KAZN: variants seen among roughly 807,000 people sequenced by gnomAD.
The protein encoded by KAZN is kazrin.
Under a neutral mutation model 87.4 loss-of-function variants are expected in KAZN, and 40 were observed. The observed-to-expected ratio is 0.46, with a 90% CI of 0.36 to 0.60. The LOEUF is 0.60. Among genes scored for constraint, KAZN ranks in the 20% least tolerant of loss-of-function variants. The probability of loss-of-function intolerance (pLI) is 0.00; values close to 1 mark genes in which losing one functional copy is unlikely to be tolerated. For missense variants in KAZN, 898 were observed against 1,073.9 expected (o/e 0.84, Z 2.29); for synonymous variants, 466 against 458.3 (o/e 1.02, Z -0.22).
intron 1 of KAZN, among the ~76,000 whole-genome samples, chr1:14,885,191 T>C (rs1187414691): frequency 6.6e-6 from 1 of 152,196 alleles, no homozygotes; most frequent in Non-Finnish European, 1.5e-5. Context: ...TAATCACCAC[T>C]TTCTTGCTTG....
At chr1:13,921,765 A>C (rs1640076662) in intron 1 of KAZN, among the ~76,000 whole-genome samples, 1 of 152,008 alleles carries the variant, frequency 6.6e-6, no homozygotes. Flanking sequence ...AGCTGGGACA[A>C]CAGGTGTGGT....
At chr1:14,356,238 TG>T (rs201175114) in intron 2 of KAZN, among the ~76,000 whole-genome samples, 5,863 of 152,284 alleles carry the variant, frequency 0.039, 304 homozygotes, top group East Asian at 0.18. Flanking sequence ...TTTTGAGAAG[TG>T]TCTGTTCATA....
At chr1:14,235,781 A>G (rs1648363461) in intron 2 of KAZN, among the ~76,000 whole-genome samples, 1 of 152,226 alleles carries the variant, frequency 6.6e-6, no homozygotes, top group South Asian at 2.1e-4. Flanking sequence ...ATCCATTTAA[A>G]TAATTGTTGA....
intron 2 of KAZN, among the ~76,000 whole-genome samples, chr1:14,331,711 G>T (rs1296555567): frequency 6.6e-6 from 1 of 152,176 alleles, no homozygotes; most frequent in African/African-American, 2.4e-5. Flanking sequence ...ACAAAAACTA[G>T]AACCTTCATC....
chr1:13,901,028 C>T (rs756630426), intron 1 of KAZN, among the ~76,000 whole-genome samples: 2 of 143,520 alleles, frequency 1.4e-5, no homozygotes, highest in Non-Finnish European at 3.0e-5. Flanking sequence ...ACTTGTTTTC[C>T]TTGGCTAATC....
chr1:14,144,258 C>T (rs1013373929), intron 1 of KAZN, among the ~76,000 whole-genome samples: 1 of 152,114 alleles, frequency 6.6e-6, no homozygotes, highest in Non-Finnish European at 1.5e-5. Context: ...TCTTTTTGCT[C>T]TGCGTTAGAT....
intron 1 of KAZN, among the ~76,000 whole-genome samples, chr1:14,720,947 G>T (rs1467323377): frequency 6.6e-6 from 1 of 152,132 alleles, no homozygotes; most frequent in African/African-American, 2.4e-5. Flanking sequence ...CAGCCTGTTT[G>T]CCATCAGGTG....
chr1:14,020,594 A>C (rs905376392), intron 1 of KAZN, among the ~76,000 whole-genome samples: 6 of 152,222 alleles, frequency 3.9e-5, no homozygotes, highest in African/African-American at 1.4e-4. Flanking sequence ...ATGGAATCTG[A>C]ATGTACTGTG....
rs144406537 is a variant in KAZN, at chr1:14,549,225, C to T, written c.250-49758C>T. 7.7e-3 allele frequency among the ~76,000 whole-genome samples: 1,177 copies of T among 152,288 alleles called. 16 individuals carry two copies. Among genetic ancestry groups the T allele is most frequent in the African/African-American group, 0.027 (1,107 of 41,558 alleles). On this transcript the variant is annotated intron_variant, in intron 2 of 16. Transcript: ENST00000636203. Reference sequence around the variant, plus strand: ...CTTTCTTGCACCTTGGGTCTGACAACACCAGCTGCCTAGCCATTATCGATG... The same window carrying T: ...CTTTCTTGCACCTTGGGTCTGACAATACCAGCTGCCTAGCCATTATCGATG...
At chr1:14,098,537 T>C (rs78225323) in intron 1 of KAZN, among the ~76,000 whole-genome samples, 7,236 of 152,126 alleles carry the variant, frequency 0.048, 527 homozygotes, top group African/African-American at 0.16. Context: ...GCAACCAGGG[T>C]GTTTGAGGAA....
chr1:14,904,996 C>T (rs911280708), intron 1 of KAZN, among the ~76,000 whole-genome samples: 3 of 152,126 alleles, frequency 2.0e-5, no homozygotes, highest in South Asian at 2.1e-4. Flanking sequence ...CTCCTGACCT[C>T]GTGATCCGCC....
intron 1 of KAZN, among the ~76,000 whole-genome samples, chr1:14,740,927 A>G (rs577899520): frequency 3.3e-5 from 5 of 152,272 alleles, no homozygotes. Flanking sequence ...CTTTCCCTCC[A>G]TGGTGCCTGT....
chr1:14,826,673 T>C (rs1646898305), intron 1 of KAZN, among the ~76,000 whole-genome samples: 1 of 152,092 alleles, frequency 6.6e-6, no homozygotes, highest in Admixed American at 6.6e-5. Context: ...TCCTCTCCAG[T>C]AGCGGCTGGA....
At chr1:14,787,662 C>A (rs1645548592) in intron 1 of KAZN, among the ~76,000 whole-genome samples, 1 of 152,184 alleles carries the variant, frequency 6.6e-6, no homozygotes, top group South Asian at 2.1e-4. Context: ...ACTCCAGGGG[C>A]ATCACTCACA....
rs76685348 is a variant in KAZN, at chr1:13,951,819, C to T, written c.91+58063C>T. On this transcript the variant is annotated intron_variant, in intron 1 of 16. Transcript: ENST00000636203. Reference sequence around the variant, plus strand: ...TGGATTCCCACCCCCTTACCACCCACTTTCTGCTTTTATAAAAATCTCTCA... The same window carrying T: ...TGGATTCCCACCCCCTTACCACCCATTTTCTGCTTTTATAAAAATCTCTCA... Among the ~76,000 whole-genome samples, 1,375 of 152,258 alleles carry T rather than the reference C, an allele frequency of 9.0e-3. 20 individuals are homozygous for T. Among genetic ancestry groups the T allele is most frequent in the African/African-American group, 0.031 (1,274 of 41,542 alleles).
At chr1:14,046,072 T>G (rs1167345431) in intron 1 of KAZN, among the ~76,000 whole-genome samples, 1 of 152,164 alleles carries the variant, frequency 6.6e-6, no homozygotes, top group Non-Finnish European at 1.5e-5. Flanking sequence ...ATGTAAATTC[T>G]CCAAAAAATT....
chr1:14,956,409 A>T (rs535440974), intron 1 of KAZN, among the ~76,000 whole-genome samples: 1 of 151,684 alleles, frequency 6.6e-6, no homozygotes, highest in Non-Finnish European at 1.5e-5. Flanking sequence ...AGACCAGCCT[A>T]GCCAACATGG....
chr1:14,995,578 T>A (rs1030804031), intron 2 of KAZN, among the ~76,000 whole-genome samples: 1 of 150,790 alleles, frequency 6.6e-6, no homozygotes, highest in African/African-American at 2.4e-5. Context: ...GAGCCCAGAT[T>A]GCGCCACTGC....
intron 2 of KAZN, among the ~76,000 whole-genome samples, chr1:14,368,363 G>A (rs1660185512): frequency 6.6e-6 from 1 of 152,180 alleles, no homozygotes; most frequent in South Asian, 2.1e-4. Flanking sequence ...GCAAGCAGCT[G>A]TTTACCTAGA....
Sources: allele counts gnomAD v4.1 joint callset (sites outside exome capture counted in the v4.1 genomes callset), GRCh38; gene constraint gnomAD v4.1.1; transcripts MANE v1.5; gene names NCBI Gene and HGNC (gene_info 2026-07-23, HGNC 2026-07-21).